Variants in NEBL observed in about 807,000 individuals in gnomAD.
NEBL encodes the protein LIM and SH3 protein 2.
NEBL carries 122 observed loss-of-function variants against 140.2 expected under a neutral mutation model. The observed-to-expected ratio is 0.87, with a 90% confidence interval of 0.75 to 1.01. NEBL has a LOEUF of 1.01. Ranked by LOEUF, NEBL falls within the 50% of genes least tolerant of loss-of-function variation. The pLI is 0.00. For synonymous variants in NEBL, 436 were observed against 398.9 expected, an observed-to-expected ratio of 1.09 and a Z score of -1.11; for missense variants, 1,365 against 1,231.3, an observed-to-expected ratio of 1.11 and a Z score of -1.62.
chr10:20,869,970 T>A (rs1231197731), intron 5 of NEBL, 129 bp from the exon 6 acceptor site: 1 of 699,512 alleles, frequency 1.4e-6, no homozygotes, highest in Non-Finnish European at 2.6e-6. Flanking sequence ...TTAAGTTGGC[T>A]TTTTGTGCAT....
intron 11 of NEBL, among the ~76,000 whole-genome samples, chr10:20,847,785 G>A (rs1002415943): frequency 3.3e-5 from 5 of 152,086 alleles, no homozygotes; most frequent in Admixed American, 6.6e-5. Flanking sequence ...ACCCATTTCC[G>A]TTTTGCCTCA....
chr10:20,925,578 T>C (rs1833869859), intron 4 of NEBL, among the ~76,000 whole-genome samples: 1 of 152,190 alleles, frequency 6.6e-6, no homozygotes, highest in Non-Finnish European at 1.5e-5. Context: ...CTGACTTACC[T>C]TATTCTGAAA....
chr10:20,838,457 G>A (rs1166005291), intron 13 of NEBL, among the ~76,000 whole-genome samples: 2 of 152,142 alleles, frequency 1.3e-5, no homozygotes, highest in Admixed American at 1.3e-4. Context: ...TGCTTCCAAT[G>A]GACAAGCAAA....
In NEBL at chr10:20,782,653, A is replaced by G. The variant is rs1410818888; in HGVS notation, c.*3094T>C. On this transcript the variant is annotated 3_prime_UTR_variant, in exon 28 of 28. Coordinates refer to ENST00000377122, the MANE Select transcript of NEBL (RefSeq NM_006393.3). ...AGGTGCTTGTGGAAACTGTGCTTAC[A>G]AATGCCTGTGTGGTGTATGGAGGTC... The G allele has an allele frequency of 6.6e-6, 1 of 152,220 alleles. No individual in the cohort carries two copies. Among genetic ancestry groups the G allele is most frequent in the African/African-American group, 2.4e-5 (1 of 41,456 alleles). 9.4% of individuals were successfully genotyped at this position (152,220 alleles called of 1,614,324 possible).
chr10:21,017,886 C>T (rs192682404), intron 3 of NEBL, among the ~76,000 whole-genome samples: 3 of 151,600 alleles, frequency 2.0e-5, no homozygotes, highest in African/African-American at 4.8e-5. Flanking sequence ...TACAGTGGCA[C>T]GATCTCGGCT....
At chr10:21,018,041 C>T (rs148802432) in intron 3 of NEBL, among the ~76,000 whole-genome samples, 159 of 152,118 alleles carry the variant, frequency 1.0e-3, no homozygotes, top group African/African-American at 3.4e-3. Flanking sequence ...AGGCTGGTCT[C>T]GAACTCCTGA....
rs373648163 is a variant in NEBL, at chr10:21,259,481, T to G, written n.183-7653A>C. ...GGGATGTTACTTCACCTTCTGTTCC[T>G]CATCCCGTGCCTCTTTCTAGCCTTT... On this transcript the variant is annotated intron_variant and non_coding_transcript_variant, in intron 1 of 8. Transcript: ENST00000675702. Among the ~76,000 whole-genome samples the G allele has an allele frequency of 1.3e-3, 203 of 152,242 alleles. 1 individual carries two copies. The highest frequency in any genetic ancestry group is 4.7e-3 in the African/African-American group (197 of 41,564).
At chr10:20,868,310 CTGTGTG>C (rs3085048) in intron 7 of NEBL, 2,251 of 155,794 alleles carry the variant, frequency 0.014, 25 homozygotes, top group African/African-American at 0.021. Flanking sequence ...AAGTTAAAAA[CTGTGTG>C]TGTGTGTGTG....
At chr10:21,029,001 G>A in intron 2 of NEBL, 1 of 644,550 alleles carries the variant, frequency 1.6e-6, no homozygotes, top group Non-Finnish European at 2.7e-6. Context: ...CTCCCAACAT[G>A]GCGGCCTCAG....
At chr10:21,109,838 C>T (rs1024383828) in intron 2 of NEBL, among the ~76,000 whole-genome samples, 1 of 151,634 alleles carries the variant, frequency 6.6e-6, no homozygotes, top group Non-Finnish European at 1.5e-5. Flanking sequence ...GTGGGAAATA[C>T]AAACTTTATC....
intron 4 of NEBL, among the ~76,000 whole-genome samples, chr10:20,909,147 AAAC>A (rs1474925064): frequency 1.3e-4 from 9 of 67,572 alleles, no homozygotes; most frequent in Admixed American, 5.3e-4. Flanking sequence ...TTTGAGTTAC[AAAC>A]ATCCAACTAC....
At chr10:20,877,737 C>T (rs1256822416) in intron 5 of NEBL, among the ~76,000 whole-genome samples, 3 of 152,144 alleles carry the variant, frequency 2.0e-5, no homozygotes, top group African/African-American at 4.8e-5. Context: ...GAGCAAACAG[C>T]TTCCTTGCAG....
upstream of NEBL, among the ~76,000 whole-genome samples, chr10:21,179,675 T>C (rs1261480870): frequency 6.7e-6 from 1 of 149,448 alleles, no homozygotes; most frequent in Non-Finnish European, 1.5e-5. Context: ...GTTGGTCCTA[T>C]AACACTAAGA....
intron 4 of NEBL, 101 bp downstream of exon 4, chr10:20,887,996 T>C (rs1236134105): frequency 1.2e-6 from 1 of 827,130 alleles, no homozygotes; most frequent in African/African-American, 1.7e-5. Context: ...CATTTGGTAT[T>C]TAACACCCAT....
intron 2 of NEBL, among the ~76,000 whole-genome samples, chr10:21,039,059 T>C (rs1043224044): frequency 9.2e-6 from 1 of 108,458 alleles, no homozygotes. Flanking sequence ...TTGATGGGGC[T>C]GTTTTTTTTT....
chr10:21,197,837 A>G (rs1462680693), intron 3 of NEBL, among the ~76,000 whole-genome samples: 2 of 152,178 alleles, frequency 1.3e-5, no homozygotes, highest in East Asian at 3.9e-4. Context: ...AAGCTAACTC[A>G]CCAAAAAACG....
Position 21,254,252 on chromosome 10 carries a change from C to T in NEBL, n.183-2424G>A, listed in dbSNP as rs141463733. On this transcript the variant is annotated intron_variant and non_coding_transcript_variant, in intron 1 of 8. Coordinates refer to the NEBL transcript ENST00000675702. ...CACTGGGCTCAAGTGATCCTCCCAT[C>T]TCAGCCTTCCAAATAGCTGGGGCTA... Among the ~76,000 whole-genome samples, 784 of 152,262 alleles carry T rather than the reference C, an allele frequency of 5.1e-3. 6 individuals carry two copies. Among genetic ancestry groups the T allele is most frequent in the African/African-American group, 0.017 (715 of 41,544 alleles).
At chr10:21,180,888 A>T (rs1277397027) in intron 3 of NEBL, among the ~76,000 whole-genome samples, 1 of 152,186 alleles carries the variant, frequency 6.6e-6, no homozygotes, top group Non-Finnish European at 1.5e-5. Flanking sequence ...TCTCCTAGAC[A>T]GGATGTAGAA....
chr10:21,195,844 T>C (rs1330101180), intron 3 of NEBL, among the ~76,000 whole-genome samples: 1 of 152,220 alleles, frequency 6.6e-6, no homozygotes, highest in Admixed American at 6.5e-5. Context: ...TGCTATTTGA[T>C]ATTAATTACA....
Sources: allele counts gnomAD v4.1 joint callset (sites outside exome capture counted in the v4.1 genomes callset), GRCh38; gene constraint gnomAD v4.1.1; transcripts MANE v1.5; gene names NCBI Gene and HGNC (gene_info 2026-07-23, HGNC 2026-07-21).